Variants in VPS13D observed in about 807,000 individuals in gnomAD.
VPS13D encodes intermembrane lipid transfer protein VPS13D.
VPS13D carries 187 observed loss-of-function variants against 461.9 expected under a neutral mutation model. The ratio of observed to expected loss-of-function variants is 0.40; its 90% confidence interval spans 0.36 to 0.46. VPS13D has a LOEUF of 0.46. Among genes scored for constraint, VPS13D ranks in the 20% least tolerant of loss-of-function variants. VPS13D has a pLI of 0.60. For synonymous variants in VPS13D, 1,951 were observed against 1,986.3 expected (o/e 0.98, Z 0.47); for missense variants, 4,711 against 5,364.9 (o/e 0.88, Z 3.81).
Position 12,322,589 on chromosome 1 carries a change from T to C in VPS13D, c.7758T>C (p.Phe2586=). The change falls in exon 34 of 70, where the codon TTT becomes TTC. Residue 2586 remains phenylalanine, a synonymous_variant. Transcript: ENST00000620676. ...IRLSYNDVQL[F]LAIAKSIPEQ... is the part of the protein sequence containing the mutation. ...TCTCCTATAATGATGTTCAGCTGTT[T>C]CTTGCCATTGCAAAATCCATCCCAG... 1.2e-6 allele frequency: 2 copies of C among 1,614,246 alleles called. No individual in the cohort carries two copies. Among genetic ancestry groups the C allele is most frequent in the Non-Finnish European group, 8.5e-7 (1 of 1,180,034 alleles).
chr1:12,281,467 T>C (rs1248590876), intron 20 of VPS13D, among the ~76,000 whole-genome samples: 1 of 152,208 alleles, frequency 6.6e-6, no homozygotes, highest in Non-Finnish European at 1.5e-5. Flanking sequence ...CGTGTGCCAC[T>C]TAATTTGTTC....
chr1:12,451,195 A>C (rs1645258454), intron 65 of VPS13D, among the ~76,000 whole-genome samples: 1 of 152,172 alleles, frequency 6.6e-6, no homozygotes, highest in Admixed American at 6.5e-5. Context: ...AACCCTTCGG[A>C]GCCAGGCCCC....
chr1:12,276,847 G>T lies in VPS13D; in HGVS notation c.3259G>T (p.Val1087Leu). ...CCTTATTAAGTTGGAATATCAGTTT[G>T]TGAGTTCAGAGTGCCCATCGATGAA... is the stretch of plus-strand genomic sequence containing the variant. ...ESLIKLEYQFVSSECPSMNLD... is the reference protein window; with the variant it reads ...ESLIKLEYQFLSSECPSMNLD... The change falls in exon 19 of 70, where the codon GTG becomes TTG. Residue 1087 changes from valine to leucine, a missense_variant. Coordinates refer to ENST00000620676, the MANE Select transcript of VPS13D (RefSeq NM_015378.4). The surrounding 1 kb of genome is among the most constrained non-coding windows in gnomAD (Gnocchi z 4.5). 1 of 1,614,154 alleles carries T rather than the reference G, an allele frequency of 6.2e-7. No homozygotes were observed. Among genetic ancestry groups the T allele is most frequent in the East Asian group, 2.2e-5 (1 of 44,878 alleles).
chr1:12,244,394 A>G lies in VPS13D; in HGVS notation c.324A>G (p.Glu108=), dbSNP rs764298239. The change falls in exon 4 of 70, where the codon GAA becomes GAG. Residue 108 remains glutamate (E), a synonymous_variant. Transcript: ENST00000620676. ...NDEKEKLLER[E]RKKALLQALE... ...AAAAGGAGAAGCTGTTGGAAAGGGA[A>G]CGTAAGAAAGCACTACTTCAAGCCC... The G allele has an allele frequency of 2.5e-6, 4 of 1,614,196 alleles. No homozygotes were observed. Among genetic ancestry groups the G allele is most frequent in the South Asian group, 2.2e-5 (2 of 91,086 alleles).
Position 12,234,327 on chromosome 1 carries a change from C to G in VPS13D, c.61C>G (p.Leu21Val). The G allele has an allele frequency of 6.2e-7, 1 of 1,614,082 alleles. No homozygotes were observed. Among genetic ancestry groups the G allele is most frequent in the African/African-American group, 1.3e-5 (1 of 75,038 alleles). ...CTATTTGGGAAAATATGTCAATAAC[C>G]TGAACACTGACCAGCTCTCAGTTGC... ...NTYLGKYVNN[L>V]NTDQLSVALL... The change falls in exon 2 of 70, where the codon CTG becomes GTG. Residue 21 changes from leucine (L) to valine (V), a missense_variant. By Grantham distance (32) the Leu-to-Val change is conservative. Coordinates refer to ENST00000620676, the MANE Select transcript of VPS13D (RefSeq NM_015378.4).
intron 67 of VPS13D, among the ~76,000 whole-genome samples, chr1:12,492,359 G>A (rs181210113): frequency 6.6e-6 from 1 of 152,332 alleles, no homozygotes; most frequent in Admixed American, 6.5e-5. Flanking sequence ...CATTCAAGCA[G>A]CAAAGATTCA....
chr1:12,293,717 G>C lies in VPS13D; in HGVS notation c.6033+13G>C, dbSNP rs377168902. The C allele has an allele frequency of 5.6e-6, 9 of 1,609,404 alleles. No homozygotes were observed. Among genetic ancestry groups the C allele is most frequent in the Non-Finnish European group, 7.6e-6 (9 of 1,178,314 alleles). On this transcript the variant is annotated intron_variant, in intron 24 of 69. Coordinates refer to ENST00000620676, the MANE Select transcript of VPS13D (RefSeq NM_015378.4). ...TGAGGGGCAGACGGTAGGTAGCCTGGGCCCTCCAAGCTGCTTTTCCAGTTT... is the reference window on the plus strand; with the variant it reads ...TGAGGGGCAGACGGTAGGTAGCCTGCGCCCTCCAAGCTGCTTTTCCAGTTT...
Position 12,321,235 on chromosome 1 carries a change from G to A in VPS13D, c.7549-574G>A, listed in dbSNP as rs866808352. 3.3e-5 allele frequency among the ~76,000 whole-genome samples: 5 copies of A among 152,164 alleles called. No homozygotes were observed. The Middle Eastern group carries it at 0.01, about 311-fold the overall frequency. On this transcript the variant is annotated intron_variant, in intron 32 of 69. Transcript: ENST00000620676. ...GAACTCCATATATACCTATCACCCA[G>A]TTTTAATAATATGTTTATTTTTAAT... is the stretch of plus-strand genomic sequence containing the variant.
intron 63 of VPS13D, among the ~76,000 whole-genome samples, chr1:12,405,180 C>T (rs2101689921): frequency 6.6e-6 from 1 of 152,352 alleles, no homozygotes; most frequent in South Asian, 2.1e-4. Context: ...GAAGGGGCCG[C>T]CACAACCCGC....
rs536189915 is a variant in VPS13D, at chr1:12,237,985, G to A, written c.97+3622G>A. ...AGCCTGGGCAACATGATGAAACCCC[G>A]TCTGTACTAAAAATATAAAAGTTAG... On this transcript the variant is annotated intron_variant, in intron 2 of 69. Coordinates refer to ENST00000620676, the MANE Select transcript of VPS13D (RefSeq NM_015378.4). Among the ~76,000 whole-genome samples, 35 of 151,892 alleles carry A rather than the reference G, an allele frequency of 2.3e-4. 1 individual carries two copies. Among genetic ancestry groups the A allele is most frequent in the Admixed American group, 4.6e-4 (7 of 15,234 alleles).
intron 67 of VPS13D, among the ~76,000 whole-genome samples, chr1:12,476,716 C>G (rs1215313730): frequency 6.6e-6 from 1 of 152,124 alleles, no homozygotes; most frequent in African/African-American, 2.4e-5. Context: ...TTAAACAAAC[C>G]AGAACAAATA....
intron 60 of VPS13D, among the ~76,000 whole-genome samples, chr1:12,395,785 G>A (rs1644487054): frequency 6.6e-6 from 1 of 151,508 alleles, no homozygotes; most frequent in South Asian, 2.1e-4. Flanking sequence ...TCTCCAAACG[G>A]TTCACGCCAA....
At chr1:12,323,847 C>G (rs1438975794) in intron 35 of VPS13D, 67 bp downstream of exon 35, 2 of 1,523,514 alleles carry the variant, frequency 1.3e-6, no homozygotes, top group Admixed American at 1.7e-5. Flanking sequence ...CATTTCCTCT[C>G]TTACTTCCAC....
rs370162851 is a variant in VPS13D at position 12,406,249 on chromosome 1, A to G, written c.12030+2276A>G. Among the ~76,000 whole-genome samples, 40 of 151,566 alleles carry G rather than the reference A, an allele frequency of 2.6e-4. 3 individuals carry two copies. Among genetic ancestry groups the G allele is most frequent in the Admixed American group, 2.1e-3 (32 of 15,154 alleles). ...CTTGAGTCTCCTAGTGGAGTCTGGG[A>G]CTCATAAAATAATGTCATTTATTCA... On this transcript the variant is annotated intron_variant, in intron 63 of 69. Transcript: ENST00000620676.
chr1:12,264,381 A>G (rs1359949366), intron 13 of VPS13D, among the ~76,000 whole-genome samples: 2 of 152,266 alleles, frequency 1.3e-5, no homozygotes, highest in Non-Finnish European at 2.9e-5. Flanking sequence ...GAGATAGGCC[A>G]AAAGCTAGGC....
chr1:12,344,014 T>G (rs1024909880), intron 42 of VPS13D, among the ~76,000 whole-genome samples: 1 of 152,228 alleles, frequency 6.6e-6, no homozygotes, highest in Non-Finnish European at 1.5e-5. Flanking sequence ...GACTGCTAGC[T>G]GATGCATTCC....
At chr1:12,256,281 C>A in intron 7 of VPS13D, 52 bp from the exon 8 acceptor site, 1 of 1,578,772 alleles carries the variant, frequency 6.3e-7, no homozygotes. Context: ...AAAAGAGTGA[C>A]TACCAGAAGG....
At chr1:12,329,086 G>C (rs1643264844) in intron 36 of VPS13D, among the ~76,000 whole-genome samples, 1 of 152,128 alleles carries the variant, frequency 6.6e-6, no homozygotes, top group Non-Finnish European at 1.5e-5. Flanking sequence ...TTTCTGCAGA[G>C]ACTAATTAGT....
At position 12,326,430 on chromosome 1, in the gene VPS13D, T is replaced by C. The variant is rs371188550; in HGVS notation, c.7991-1218T>C. 1.1e-4 allele frequency among the ~76,000 whole-genome samples: 17 copies of C among 150,464 alleles called. No homozygotes were observed. The South Asian group carries it at 1.7e-3, about 15-fold the overall frequency. ...ATGGCTCACTCTAGCCTCAAACTCC[T>C]AGGCTCAAATGATCCTCCCACCTAA... On this transcript the variant is annotated intron_variant, in intron 35 of 69. Coordinates refer to ENST00000620676, the MANE Select transcript of VPS13D (RefSeq NM_015378.4).
Sources: allele counts gnomAD v4.1 joint callset (sites outside exome capture counted in the v4.1 genomes callset), GRCh38; gene constraint gnomAD v4.1.1; non-coding constraint Gnocchi (gnomAD v3.1); transcripts MANE v1.5; gene names NCBI Gene and HGNC (gene_info 2026-07-23, HGNC 2026-07-21).